Variants in COL19A1 observed in about 807,000 individuals in gnomAD.
COL19A1 encodes the protein collagen alpha-1(XIX) chain.
Under a neutral mutation model 190.2 loss-of-function variants are expected in COL19A1, and 159 were observed. The observed-to-expected ratio is 0.84, with a 90% CI of 0.73 to 0.95. The LOEUF (loss-of-function observed/expected upper bound fraction) is 0.95, where lower values mean the gene tolerates loss of function less well. COL19A1 is among the 40% of genes least tolerant of loss of function. The pLI, the probability that COL19A1 is intolerant of heterozygous loss-of-function variation, is 0.00. For missense variants in COL19A1, 1,418 were observed against 1,431.9 expected (o/e 0.99, Z 0.16); for synonymous variants, 509 against 458.9 (o/e 1.11, Z -1.39).
At chr6:69,886,331 C>T (rs1768929765) in intron 2 of COL19A1, among the ~76,000 whole-genome samples, 1 of 152,134 alleles carries the variant, frequency 6.6e-6, no homozygotes, top group South Asian at 2.1e-4. Context: ...AGAGATAACA[C>T]AAACGTGGCA....
At chr6:70,163,933 G>C (rs1230312100) in intron 36 of COL19A1, among the ~76,000 whole-genome samples, 1 of 152,152 alleles carries the variant, frequency 6.6e-6, no homozygotes, top group Non-Finnish European at 1.5e-5. Flanking sequence ...CATAGTAGAA[G>C]GGTGACCAAG....
chr6:70,055,736 C>T (rs149874951), intron 14 of COL19A1, among the ~76,000 whole-genome samples: 124 of 143,060 alleles, frequency 8.7e-4, no homozygotes, highest in Non-Finnish European at 1.5e-3. Context: ...GAGCCAAGAT[C>T]GTGCCACTGC....
chr6:69,904,816 C>T (rs191269539), intron 4 of COL19A1, among the ~76,000 whole-genome samples: 16 of 152,208 alleles, frequency 1.1e-4, no homozygotes, highest in Middle Eastern at 3.2e-3. Flanking sequence ...CCCTCACCCC[C>T]GGTTCTGCTA....
At chr6:70,048,715 A>C (rs2150130049) in intron 14 of COL19A1, among the ~76,000 whole-genome samples, 1 of 152,216 alleles carries the variant, frequency 6.6e-6, no homozygotes, top group East Asian at 1.9e-4. Context: ...AAAATCAGTT[A>C]ATTGGAATTA....
chr6:70,103,233 A>G (rs1341951590), intron 16 of COL19A1, among the ~76,000 whole-genome samples: 3 of 152,102 alleles, frequency 2.0e-5, no homozygotes, highest in Non-Finnish European at 4.4e-5. Context: ...TCTCTAAATC[A>G]TATCAGTTCT....
At chr6:70,075,573 C>T (rs1562147475) in intron 15 of COL19A1, among the ~76,000 whole-genome samples, 2 of 152,184 alleles carry the variant, frequency 1.3e-5, no homozygotes, top group Non-Finnish European at 2.9e-5. Context: ...AAAACAACTT[C>T]TAGCACAGGC....
chr6:69,976,472 A>G (rs903331330), intron 11 of COL19A1, among the ~76,000 whole-genome samples: 2 of 152,176 alleles, frequency 1.3e-5, no homozygotes, highest in Non-Finnish European at 1.5e-5. Flanking sequence ...TATGAAAGAG[A>G]CAAAACATCC....
At chr6:69,957,103 AT>A (rs906335167) in intron 9 of COL19A1, among the ~76,000 whole-genome samples, 4 of 151,962 alleles carry the variant, frequency 2.6e-5, no homozygotes, top group South Asian at 2.1e-4. Context: ...AGGGAATGTG[AT>A]TTTTTTTATC....
intron 11 of COL19A1, among the ~76,000 whole-genome samples, chr6:70,021,356 A>G (rs1233697921): frequency 2.0e-5 from 3 of 149,808 alleles, no homozygotes; most frequent in African/African-American, 7.3e-5. Context: ...TTCCTTGTAC[A>G]CACACATCTC....
chr6:70,106,546 T>G (rs936866614), intron 16 of COL19A1, among the ~76,000 whole-genome samples: 1 of 152,328 alleles, frequency 6.6e-6, no homozygotes, highest in African/African-American at 2.4e-5. Flanking sequence ...CAATAGCAAC[T>G]TTTTGTGTCT....
chr6:69,876,818 A>G (rs890602208), intron 1 of COL19A1, among the ~76,000 whole-genome samples: 6 of 152,222 alleles, frequency 3.9e-5, no homozygotes, highest in Non-Finnish European at 7.4e-5. Flanking sequence ...CTGACTTGAA[A>G]TAATAGCTAG....
chr6:70,152,886 G>A (rs1264817595), intron 31 of COL19A1, among the ~76,000 whole-genome samples: 2 of 152,108 alleles, frequency 1.3e-5, no homozygotes, highest in Non-Finnish European at 2.9e-5. Flanking sequence ...GAATATACTG[G>A]TAGAATATGG....
intron 15 of COL19A1, among the ~76,000 whole-genome samples, chr6:70,078,723 T>C (rs1221045661): frequency 6.6e-6 from 1 of 152,160 alleles, no homozygotes; most frequent in Admixed American, 6.5e-5. Context: ...GAATCCTTGA[T>C]GGCTTTTGAG....
intron 15 of COL19A1, among the ~76,000 whole-genome samples, chr6:70,082,062 T>C (rs1382151229): frequency 6.6e-6 from 1 of 152,188 alleles, no homozygotes; most frequent in African/African-American, 2.4e-5. Flanking sequence ...AAAAGTTATC[T>C]TCAAATATTT....
chr6:69,897,487 A>ACACACACACCCC (rs57788189), intron 2 of COL19A1, among the ~76,000 whole-genome samples: 2 of 142,528 alleles, frequency 1.4e-5, no homozygotes, highest in African/African-American at 5.8e-5. Context: ...ACACACACAC[A>ACACACACACCCC]CCCCATACTG....
intron 11 of COL19A1, among the ~76,000 whole-genome samples, chr6:70,020,155 T>C (rs1778338364): frequency 6.6e-6 from 1 of 152,106 alleles, no homozygotes; most frequent in Non-Finnish European, 1.5e-5. Flanking sequence ...ATGTGTTCTT[T>C]GCTCAACTAC....
chr6:70,095,130 A>G (rs762863526), intron 15 of COL19A1, among the ~76,000 whole-genome samples: 1 of 152,136 alleles, frequency 6.6e-6, no homozygotes, highest in African/African-American at 2.4e-5. Context: ...AGGTTTGCCC[A>G]TTTTGTTCTT....
intron 12 of COL19A1, among the ~76,000 whole-genome samples, chr6:70,025,204 G>C (rs943063092): frequency 6.6e-6 from 1 of 151,934 alleles, no homozygotes; most frequent in African/African-American, 2.4e-5. Context: ...CTAATTTTTT[G>C]TATTTTTAGT....
At chr6:70,031,998 T>A (rs1779101275) in intron 12 of COL19A1, among the ~76,000 whole-genome samples, 1 of 152,050 alleles carries the variant, frequency 6.6e-6, no homozygotes, top group South Asian at 2.1e-4. Flanking sequence ...AATAGGGGAA[T>A]TGCAATAAGG....
Sources: allele counts gnomAD v4.1 joint callset (sites outside exome capture counted in the v4.1 genomes callset), GRCh38; gene constraint gnomAD v4.1.1; transcripts MANE v1.5; gene names NCBI Gene and HGNC (gene_info 2026-07-23, HGNC 2026-07-21).